The following CSNK1G1 variants were observed in gnomAD, a reference collection of about 807,000 sequenced individuals.
CSNK1G1 encodes casein kinase I isoform gamma-1.
CSNK1G1 carries 22 observed loss-of-function variants against 59.6 expected under a neutral mutation model. The ratio of observed to expected loss-of-function variants is 0.37; its 90% confidence interval spans 0.26 to 0.53. CSNK1G1 has a LOEUF of 0.53. Among genes scored for constraint, CSNK1G1 ranks in the 20% least tolerant of loss-of-function variants. CSNK1G1 has a pLI of 0.89. For synonymous variants in CSNK1G1, 179 were observed against 177.1 expected (o/e 1.01, Z -0.08); for missense variants, 384 against 519.5 (o/e 0.74, Z 2.54).
intron 10 of CSNK1G1, among the ~76,000 whole-genome samples, chr15:64,180,790 T>C (rs1246854292): frequency 6.6e-6 from 1 of 152,226 alleles, no homozygotes; most frequent in African/African-American, 2.4e-5. Context: ...AGGTTTAGAG[T>C]TAATATCTGT....
At chr15:64,317,958 G>A (rs952407441) in intron 1 of CSNK1G1, among the ~76,000 whole-genome samples, 1 of 152,138 alleles carries the variant, frequency 6.6e-6, no homozygotes, top group Non-Finnish European at 1.5e-5. Flanking sequence ...TGGAAAGGAA[G>A]CTAGGGGCTT....
chr15:64,257,525 T>C (rs1236134910), intron 3 of CSNK1G1, among the ~76,000 whole-genome samples: 2 of 152,148 alleles, frequency 1.3e-5, no homozygotes, highest in Non-Finnish European at 2.9e-5. Flanking sequence ...ATATGGTTAA[T>C]ATTATTTTTT....
intron 4 of CSNK1G1, among the ~76,000 whole-genome samples, chr15:64,236,725 T>C (rs552139470): frequency 1.3e-5 from 2 of 152,290 alleles, no homozygotes; most frequent in South Asian, 4.1e-4. Flanking sequence ...TGGAAGACAA[T>C]ATGGAGATTT....
chr15:64,338,078 T>G (rs1897483994), intron 1 of CSNK1G1, among the ~76,000 whole-genome samples: 1 of 152,238 alleles, frequency 6.6e-6, no homozygotes, highest in Admixed American at 6.5e-5. Context: ...TACAAACATC[T>G]GTTTCAAACC....
chr15:64,221,507 C>T (rs1376068064), intron 4 of CSNK1G1, among the ~76,000 whole-genome samples: 1 of 152,062 alleles, frequency 6.6e-6, no homozygotes, highest in African/African-American at 2.4e-5. Flanking sequence ...GACCTCACAA[C>T]ACACTGGCAG....
At chr15:64,222,523 G>A (rs976092568) in intron 4 of CSNK1G1, among the ~76,000 whole-genome samples, 24 of 149,772 alleles carry the variant, frequency 1.6e-4, no homozygotes, top group African/African-American at 5.9e-4. Context: ...TTTCCTTCTA[G>A]CTACCTTCTG....
Position 64,188,394 on chromosome 15 carries a change from C to T in CSNK1G1, c.1108-7940G>A, listed in dbSNP as rs565602489. 97 of 1,535,960 alleles carry T rather than the reference C, an allele frequency of 6.3e-5. No homozygotes were observed. The Middle Eastern group carries it at 1.2e-3, about 19-fold the overall frequency. On this transcript the variant is annotated intron_variant, in intron 10 of 11. Coordinates refer to ENST00000303052, the MANE Select transcript of CSNK1G1 (RefSeq NM_022048.5). The surrounding 1 kb of genome is among the most constrained non-coding windows in gnomAD (Gnocchi z 4.2). ...AAATACCTGCACTGATCCCCCATGG[C>T]GGTCTGCAGCCAAGTGAGACGTTAG... is the stretch of plus-strand genomic sequence containing the variant.
chr15:64,261,066 T>A (rs933258061), intron 2 of CSNK1G1, among the ~76,000 whole-genome samples: 5 of 152,206 alleles, frequency 3.3e-5, no homozygotes, highest in African/African-American at 1.2e-4. Flanking sequence ...TTCTAAAGGT[T>A]ACTTTATGTT....
intron 11 of CSNK1G1, among the ~76,000 whole-genome samples, chr15:64,174,088 A>C (rs2140200427): frequency 6.6e-6 from 1 of 152,330 alleles, no homozygotes; most frequent in African/African-American, 2.4e-5. Flanking sequence ...TTCTATTCTT[A>C]ATCTTTTTGG....
chr15:64,338,151 A>G (rs1201483700), intron 1 of CSNK1G1, among the ~76,000 whole-genome samples: 1 of 152,134 alleles, frequency 6.6e-6, no homozygotes. Flanking sequence ...TGGTAGTCCT[A>G]TGTGTAACCT....
intron 2 of CSNK1G1, among the ~76,000 whole-genome samples, chr15:64,282,355 C>T (rs1459689754): frequency 6.6e-6 from 1 of 152,120 alleles, no homozygotes; most frequent in Non-Finnish European, 1.5e-5. Context: ...CAACCTCAGC[C>T]TCCCGGGTTC....
chr15:64,207,697 T>G (rs955874257), intron 6 of CSNK1G1, 103 bp from the exon 7 acceptor site: 1 of 789,828 alleles, frequency 1.3e-6, no homozygotes, highest in African/African-American at 1.7e-5. Flanking sequence ...CTGGAAAGGC[T>G]CTGCTTACTA....
intron 10 of CSNK1G1, among the ~76,000 whole-genome samples, chr15:64,194,602 C>CT (rs1427213469): frequency 7.4e-5 from 11 of 148,656 alleles, no homozygotes; most frequent in African/African-American, 2.7e-4. Context: ...ACTGCAAACT[C>CT]TGACTCCTGG....
At position 64,207,955 on chromosome 15, in the gene CSNK1G1, T is replaced by C. The variant is rs528474905; in HGVS notation, c.680-361A>G. On this transcript the variant is annotated intron_variant, in intron 6 of 11. Transcript: ENST00000303052. ...TATATGGGCTACAATTACCTTTTAGTTACCACCAGAGAGTGAGCAGCAGAT... is the reference window on the plus strand; with the variant it reads ...TATATGGGCTACAATTACCTTTTAGCTACCACCAGAGAGTGAGCAGCAGAT... Among the ~76,000 whole-genome samples the C allele has an allele frequency of 7.9e-5, 12 of 152,322 alleles. No homozygotes were observed. In the South Asian group the frequency reaches 2.5e-3, roughly 32 times the overall value.
intron 4 of CSNK1G1, among the ~76,000 whole-genome samples, chr15:64,229,954 C>A (rs560469176): frequency 1.8e-4 from 16 of 89,486 alleles, no homozygotes; most frequent in Non-Finnish European, 2.9e-4. Context: ...CAGAATCTCA[C>A]TCTGTCGCCC....
intron 1 of CSNK1G1, among the ~76,000 whole-genome samples, chr15:64,301,894 A>AAAAG (rs911349871): frequency 9.9e-5 from 15 of 152,172 alleles, no homozygotes; most frequent in African/African-American, 3.4e-4. Flanking sequence ...CTCAAAAAAA[A>AAAAG]AAAGAAAGAA....
At chr15:64,240,526 T>G (rs1483363086) in intron 4 of CSNK1G1, among the ~76,000 whole-genome samples, 1 of 150,786 alleles carries the variant, frequency 6.6e-6, no homozygotes, top group Non-Finnish European at 1.5e-5. Flanking sequence ...ACAAAGAGAG[T>G]ACTCTAAAAA....
intron 2 of CSNK1G1, among the ~76,000 whole-genome samples, chr15:64,290,940 C>G (rs1894704916): frequency 1.3e-5 from 2 of 152,118 alleles, no homozygotes; most frequent in Admixed American, 6.5e-5. Flanking sequence ...TCTCCAACTC[C>G]TGACCTCAGA....
intron 7 of CSNK1G1, 52 bp from the exon 8 acceptor site, chr15:64,205,001 A>G: frequency 2.0e-6 from 2 of 1,023,356 alleles, no homozygotes; most frequent in Admixed American, 2.2e-5. Flanking sequence ...TAAACATGGG[A>G]GATTCAATAT....
Sources: allele counts gnomAD v4.1 joint callset (sites outside exome capture counted in the v4.1 genomes callset), GRCh38; gene constraint gnomAD v4.1.1; non-coding constraint Gnocchi (gnomAD v3.1); transcripts MANE v1.5; gene names NCBI Gene and HGNC (gene_info 2026-07-23, HGNC 2026-07-21).